Variants in ALOX5 observed in about 807,000 individuals in gnomAD.
The protein encoded by ALOX5 is arachidonate 5-lipoxygenase, also known as polyunsaturated fatty acid 5-lipoxygenase.
A neutral mutation model predicts 87.9 loss-of-function variants in ALOX5; 64 were observed. That is an observed-to-expected ratio of 0.73 (90% confidence interval 0.60 to 0.90). The LOEUF (loss-of-function observed/expected upper bound fraction) is 0.90. Among genes scored for constraint, ALOX5 ranks in the 40% least tolerant of loss-of-function variants. The probability of loss-of-function intolerance (pLI) is 0.00; values close to 1 mark genes in which losing one functional copy is unlikely to be tolerated. For synonymous variants in ALOX5, 388 were observed against 355.1 expected (o/e 1.09, Z -1.04); for missense variants, 822 against 907.5 (o/e 0.91, Z 1.21).
chr10:45,394,385 GA>G (rs1464544282), intron 2 of ALOX5, among the ~76,000 whole-genome samples: 1 of 152,204 alleles, frequency 6.6e-6, no homozygotes, highest in Non-Finnish European at 1.5e-5. Context: ...ATGGTGCTGG[GA>G]AAACTGGCTA....
chr10:45,379,435 C>T (rs1839751380), intron 1 of ALOX5, among the ~76,000 whole-genome samples: 1 of 152,246 alleles, frequency 6.6e-6, no homozygotes, highest in African/African-American at 2.4e-5. Flanking sequence ...ATGCCTCCCA[C>T]TCTCCCTCTG....
At chr10:45,420,538 T>G (rs767784960) in intron 4 of ALOX5, among the ~76,000 whole-genome samples, 3 of 152,212 alleles carry the variant, frequency 2.0e-5, no homozygotes, top group Non-Finnish European at 4.4e-5. Context: ...ATGGCTACAC[T>G]CCCCGCCTAG....
At chr10:45,419,372 G>T (rs919208261) in intron 4 of ALOX5, among the ~76,000 whole-genome samples, 23 of 152,166 alleles carry the variant, frequency 1.5e-4, no homozygotes, top group Admixed American at 1.2e-3. Context: ...CCAGGGGTTG[G>T]GTTGAGAGCG....
chr10:45,436,754 G>T (rs1043356517), intron 7 of ALOX5, among the ~76,000 whole-genome samples: 13 of 152,070 alleles, frequency 8.5e-5, no homozygotes, highest in Admixed American at 8.5e-4. Flanking sequence ...GGTTCCATAT[G>T]AATTTTAGGA....
At chr10:45,445,140 C>T (rs1349261960) in intron 13 of ALOX5, among the ~76,000 whole-genome samples, 2 of 152,358 alleles carry the variant, frequency 1.3e-5, no homozygotes, top group African/African-American at 4.8e-5. Flanking sequence ...CTGGCCCCAG[C>T]GCCCCTGATG....
chr10:45,429,924 T>G (rs1001772866), intron 7 of ALOX5, among the ~76,000 whole-genome samples: 1 of 152,144 alleles, frequency 6.6e-6, no homozygotes, highest in Non-Finnish European at 1.5e-5. Context: ...GAGACACAGG[T>G]GCCCACAGCC....
intron 7 of ALOX5, among the ~76,000 whole-genome samples, chr10:45,430,263 A>G (rs1004110304): frequency 1.3e-5 from 2 of 152,144 alleles, no homozygotes; most frequent in African/African-American, 4.8e-5. Flanking sequence ...CAAGCCACAG[A>G]ATGTTCCTGG....
intron 2 of ALOX5, among the ~76,000 whole-genome samples, chr10:45,385,163 C>T (rs1235694078): frequency 6.6e-6 from 1 of 152,134 alleles, no homozygotes; most frequent in Non-Finnish European, 1.5e-5. Context: ...AATTATTAAT[C>T]CACCACATGG....
At chr10:45,388,217 C>T (rs1379830078) in intron 2 of ALOX5, among the ~76,000 whole-genome samples, 1 of 152,206 alleles carries the variant, frequency 6.6e-6, no homozygotes, top group African/African-American at 2.4e-5. Flanking sequence ...TGGAGCCCAT[C>T]GCAGCTCAGG....
intron 7 of ALOX5, among the ~76,000 whole-genome samples, chr10:45,437,968 G>A (rs1245718891): frequency 6.6e-6 from 1 of 152,224 alleles, no homozygotes; most frequent in African/African-American, 2.4e-5. Context: ...TTTCCTTGCA[G>A]TACCGAGGAA....
In ALOX5 at chr10:45,419,302, G is replaced by C. The variant is rs184946540; in HGVS notation, c.555-4739G>C. On this transcript the variant is annotated intron_variant, in intron 4 of 13. Coordinates refer to ENST00000374391, the MANE Select transcript of ALOX5 (RefSeq NM_000698.5). ...GGCCGAGAGAGAAAGCGGGGCACCC[G>C]GCCGGGGGGGTCATTTACAAGGGAC... Among the ~76,000 whole-genome samples the C allele has an allele frequency of 9.1e-3, 1,252 of 138,042 alleles. 17 individuals are homozygous for C. Among genetic ancestry groups the C allele is most frequent in the African/African-American group, 0.035 (1,181 of 34,044 alleles). 90.6% of individuals were successfully genotyped at this position (138,042 alleles called of 152,430 possible).
chr10:45,419,435 G>T (rs1467517147), intron 4 of ALOX5, among the ~76,000 whole-genome samples: 1 of 152,178 alleles, frequency 6.6e-6, no homozygotes, highest in African/African-American at 2.4e-5. Context: ...GACAAGGGAC[G>T]GGGGAGAGGG....
intron 8 of ALOX5, 41 bp downstream of exon 8, chr10:45,440,674 T>C: frequency 6.3e-7 from 1 of 1,598,514 alleles, no homozygotes; most frequent in Non-Finnish European, 8.5e-7. Context: ...GGAGGGCATC[T>C]GAGATGTGGA....
chr10:45,390,448 A>T (rs1285699014), intron 2 of ALOX5, among the ~76,000 whole-genome samples: 3 of 152,168 alleles, frequency 2.0e-5, no homozygotes, highest in Admixed American at 6.5e-5. Flanking sequence ...GAAGTAAAGC[A>T]CTCCTTAGCA....
intron 4 of ALOX5, among the ~76,000 whole-genome samples, chr10:45,413,429 G>A (rs1238602193): frequency 2.6e-5 from 4 of 152,180 alleles, no homozygotes; most frequent in Non-Finnish European, 5.9e-5. Flanking sequence ...ATTAGGTATT[G>A]ATGGGATGTA....
rs1170710428 is a variant in ALOX5, at chr10:45,412,293, T to C, written c.534T>C (p.Phe178=). Residue 178 remains phenylalanine, a synonymous_variant, in exon 4 of 14, where the codon TTT becomes TTC. Transcript: ENST00000374391. ...IQFDSEKGVD[F]VLNYSKAMEN... is the part of the protein sequence containing the mutation. ...TTGATAGTGAAAAAGGAGTGGACTT[T>C]GTTCTGAATTACTCCAAAGCGTAAG... 11 of 1,614,094 alleles carry C rather than the reference T, an allele frequency of 6.8e-6. No individual in the cohort carries two copies. The highest frequency in any genetic ancestry group is 2.7e-5 in the African/African-American group (2 of 74,922).
intron 3 of ALOX5, among the ~76,000 whole-genome samples, chr10:45,401,404 C>T (rs1267347245): frequency 6.6e-6 from 1 of 152,004 alleles, no homozygotes; most frequent in African/African-American, 2.4e-5. Context: ...AGAAAAATAC[C>T]TATTTTCTGT....
chr10:45,418,692 C>G (rs1841390449), intron 4 of ALOX5, among the ~76,000 whole-genome samples: 1 of 152,090 alleles, frequency 6.6e-6, no homozygotes, highest in South Asian at 2.1e-4. Context: ...GGGGCTGCAG[C>G]GGAGAGAGAC....
intron 3 of ALOX5, among the ~76,000 whole-genome samples, chr10:45,407,623 G>C (rs938130693): frequency 6.6e-6 from 1 of 152,178 alleles, no homozygotes; most frequent in African/African-American, 2.4e-5. Flanking sequence ...AGTTATTCAT[G>C]CCTTTCTCTG....
Sources: gnomAD v4.1 joint callset for allele counts (sites outside exome capture counted in the v4.1 genomes callset) on GRCh38, gnomAD v4.1.1 for gene constraint, MANE v1.5 for transcripts, NCBI Gene and HGNC (gene_info 2026-07-23, HGNC 2026-07-21) for gene names.